Variants in ASS1 observed in about 807,000 individuals in gnomAD.
ASS1 encodes the protein argininosuccinate synthase.
A neutral mutation model predicts 60.5 loss-of-function variants in ASS1; 58 were observed. That is an observed-to-expected ratio of 0.96 (90% CI 0.78 to 1.19). The LOEUF (loss-of-function observed/expected upper bound fraction) is 1.19. Ranked by LOEUF, ASS1 falls within the 50% of genes most tolerant of loss-of-function variation. The pLI, the probability that ASS1 is intolerant of heterozygous loss-of-function variation, is 0.00. For missense variants in ASS1, 454 were observed against 547.3 expected (o/e 0.83, Z 1.70); for synonymous variants, 200 against 206.9 (o/e 0.97, Z 0.29).
intron 3 of ASS1, among the ~76,000 whole-genome samples, chr9:130,455,129 C>T (rs1311389493): frequency 7.3e-6 from 1 of 137,208 alleles, no homozygotes; most frequent in African/African-American, 3.6e-5. Flanking sequence ...TCCATTTATT[C>T]ATCCATCATC....
At chr9:130,484,799 G>GCACACACACACACA (rs3030699) in intron 11 of ASS1, among the ~76,000 whole-genome samples, 2 of 146,704 alleles carry the variant, frequency 1.4e-5, no homozygotes, top group African/African-American at 5.0e-5. Flanking sequence ...AGCTTTAAAC[G>GCACACACACACACA]CACACACACA....
chr9:130,493,794 T>C (rs1846514319), intron 12 of ASS1, among the ~76,000 whole-genome samples: 1 of 152,128 alleles, frequency 6.6e-6, no homozygotes. Flanking sequence ...CCAGCCTCCA[T>C]CAGCAGAGGC....
intron 11 of ASS1, among the ~76,000 whole-genome samples, chr9:130,484,403 C>G (rs536410207): frequency 6.6e-6 from 1 of 152,044 alleles, no homozygotes; most frequent in Non-Finnish European, 1.5e-5. Flanking sequence ...CACTCTCCCC[C>G]CAGCCACCCC....
Position 130,488,991 on chromosome 9 carries a change from C to T in ASS1, c.839-342C>T, listed in dbSNP as rs1415983403. On this transcript the variant is annotated intron_variant, in intron 11 of 14. Coordinates refer to ENST00000352480, the MANE Select transcript of ASS1 (RefSeq NM_054012.4). This position sits in a 1 kb window ranked among gnomAD's most constrained non-coding sequence, Gnocchi z 5.2. Reference sequence around the variant, plus strand: ...TTGGGGCTCTGGGCTCTACCGTAGTCGCTTTAATTACAGGCTTTCAACCTC... The same window carrying T: ...TTGGGGCTCTGGGCTCTACCGTAGTTGCTTTAATTACAGGCTTTCAACCTC... Among the ~76,000 whole-genome samples, 7 of 152,260 alleles carry T rather than the reference C, an allele frequency of 4.6e-5. No individual in the cohort carries two copies. The South Asian group carries it at 6.2e-4, about 14-fold the overall frequency.
Position 130,501,163 on chromosome 9 carries a change from C to A in ASS1, c.*142C>A. ...GGGCTGCCAGGCCCCAGCTTTGTTC[C>A]CTGGTCCCCCTGAAGCCTGCAAACG... On this transcript the variant is annotated 3_prime_UTR_variant, in exon 15 of 15. Coordinates refer to ENST00000352480, the MANE Select transcript of ASS1 (RefSeq NM_054012.4). 1.1e-6 allele frequency: 1 copy of A among 901,966 alleles called. No homozygotes were observed. The highest frequency in any genetic ancestry group is 1.8e-6 in the Non-Finnish European group (1 of 561,062). 55.9% of individuals were successfully genotyped at this position (901,966 alleles called of 1,614,324 possible).
intron 1 of ASS1, among the ~76,000 whole-genome samples, chr9:130,448,640 T>C (rs958068436): frequency 2.6e-5 from 4 of 152,148 alleles, no homozygotes; most frequent in African/African-American, 7.2e-5. Context: ...CTTGGCTCAC[T>C]GCAACCTTTA....
Position 130,470,738 on chromosome 9 carries a change from G to A in ASS1, c.496-96G>A. 8.1e-7 allele frequency: 1 copy of A among 1,233,958 alleles called. No homozygotes were observed. The highest frequency in any genetic ancestry group is 1.7e-5 in the Admixed American group (1 of 59,542). 76.4% of individuals were successfully genotyped at this position (1,233,958 alleles called of 1,614,324 possible). A position where few individuals can be genotyped will look rare whatever the true frequency, so the allele number is the denominator to read the frequency against. On this transcript the variant is annotated intron_variant, in intron 6 of 14. Transcript: ENST00000352480. The surrounding 1 kb of genome is among the most constrained non-coding windows in gnomAD (Gnocchi z 4.3). Reference sequence around the variant, plus strand: ...CAGGGTCTTGTCTGAATGGGGGCCAGAGTTTGGGGCTCTCTGAAAAAGCAG... The same window carrying A: ...CAGGGTCTTGTCTGAATGGGGGCCAAAGTTTGGGGCTCTCTGAAAAAGCAG...
At chr9:130,483,276 A>T (rs1846213761) in intron 11 of ASS1, among the ~76,000 whole-genome samples, 1 of 148,858 alleles carries the variant, frequency 6.7e-6, no homozygotes. Context: ...CTCGGTGTAC[A>T]AGGGGAACAT....
At chr9:130,458,809 C>G (rs952030252) in intron 4 of ASS1, among the ~76,000 whole-genome samples, 17 of 152,262 alleles carry the variant, frequency 1.1e-4, no homozygotes, top group African/African-American at 2.9e-4. Context: ...CTCACCTCCA[C>G]CTTCTGCTGT....
At chr9:130,467,305 C>T (rs1845766405) in intron 6 of ASS1, among the ~76,000 whole-genome samples, 1 of 152,202 alleles carries the variant, frequency 6.6e-6, no homozygotes, top group Admixed American at 6.5e-5. Flanking sequence ...ATGGCACCAG[C>T]CCTTTTTGAA....
chr9:130,473,903 C>T (rs868097594), intron 8 of ASS1, among the ~76,000 whole-genome samples: 3 of 152,142 alleles, frequency 2.0e-5, no homozygotes, highest in Admixed American at 2.0e-4. Context: ...AAACCATTTG[C>T]GGCATCGATC....
chr9:130,490,779 C>T (rs1346925689), intron 12 of ASS1, among the ~76,000 whole-genome samples: 1 of 152,104 alleles, frequency 6.6e-6, no homozygotes, highest in African/African-American at 2.4e-5. Context: ...GGAGGTTGAG[C>T]CATTTGAGAG....
In ASS1 at chr9:130,476,974, C is replaced by T. The variant is rs1179330591; in HGVS notation, c.688+13C>T. ...GAGTTCAAAAAAGGTATGTGCCCAC[C>T]TGTTGGGACTCGAAGGGGGTTGACT... On this transcript the variant is annotated intron_variant, in intron 9 of 14. Coordinates refer to ENST00000352480, the MANE Select transcript of ASS1 (RefSeq NM_054012.4). The surrounding 1 kb of genome is among the most constrained non-coding windows in gnomAD (Gnocchi z 4.9). The T allele has an allele frequency of 1.2e-5, 19 of 1,610,918 alleles. No individual in the cohort carries two copies. Among genetic ancestry groups the T allele is most frequent in the Middle Eastern group, 1.6e-4 (1 of 6,074 alleles).
At chr9:130,449,290 C>T (rs1261704279) in intron 1 of ASS1, among the ~76,000 whole-genome samples, 4 of 140,152 alleles carry the variant, frequency 2.9e-5, no homozygotes. Context: ...CTGTGGTGAG[C>T]TGAGATTGCA....
In ASS1 at chr9:130,492,157, G is replaced by A. The variant is rs534839590; in HGVS notation, c.970+2693G>A. On this transcript the variant is annotated intron_variant, in intron 12 of 14. Coordinates refer to ENST00000352480, the MANE Select transcript of ASS1 (RefSeq NM_054012.4). ...CGTGAAATAACTGCGAGCGCCCGGC[G>A]TGGTTTCCCAGTGTGGAGGCGCGGC... Among the ~76,000 whole-genome samples the A allele has an allele frequency of 5.3e-5, 8 of 152,316 alleles. 1 individual carries two copies. Among genetic ancestry groups the A allele is most frequent in the East Asian group, 1.9e-4 (1 of 5,176 alleles).
intron 13 of ASS1, among the ~76,000 whole-genome samples, chr9:130,495,414 C>T (rs1430741105): frequency 6.6e-6 from 1 of 150,878 alleles, no homozygotes; most frequent in Non-Finnish European, 1.5e-5. Context: ...AAGACCTTGT[C>T]TCAAAAAAAT....
chr9:130,454,348 A>C lies in ASS1; in HGVS notation c.149A>C (p.Lys50Thr). ...QKEDFEEARK[K>T]ALKLGAKKVF... ...GAAGACTTCGAGGAAGCCAGGAAGA[A>C]GGCACTGAAGCTTGGGGCCAAAAAG... is the stretch of plus-strand genomic sequence containing the variant. Residue 50 changes from lysine to threonine, a missense_variant, in exon 3 of 15, where the codon AAG becomes ACG. By Grantham distance (78) the Lys-to-Thr change is moderately conservative. Coordinates refer to ENST00000352480, the MANE Select transcript of ASS1 (RefSeq NM_054012.4). 6.2e-7 allele frequency: 1 copy of C among 1,613,710 alleles called. No homozygotes were observed. Among genetic ancestry groups the C allele is most frequent in the Non-Finnish European group, 8.5e-7 (1 of 1,179,870 alleles).
chr9:130,470,995 C>A lies in ASS1; in HGVS notation c.566+91C>A. 2 of 1,411,368 alleles carry A rather than the reference C, an allele frequency of 1.4e-6. No homozygotes were observed. The highest frequency in any genetic ancestry group is 2.0e-6 in the Non-Finnish European group (2 of 998,472). The allele number at this position is 1,411,368 out of a possible 1,614,324, so 87.4% of individuals were successfully genotyped here. Reference sequence around the variant, plus strand: ...CCCCAGGACGTCCTGGTGACCCCCACACCAGTGGTCCCTGCCCTCGGGGAG... The same window carrying A: ...CCCCAGGACGTCCTGGTGACCCCCAAACCAGTGGTCCCTGCCCTCGGGGAG... On this transcript the variant is annotated intron_variant, in intron 7 of 14. Coordinates refer to ENST00000352480, the MANE Select transcript of ASS1 (RefSeq NM_054012.4). The surrounding 1 kb of genome is among the most constrained non-coding windows in gnomAD (Gnocchi z 4.3).
In ASS1 at chr9:130,477,005, G is replaced by C; in HGVS notation, c.688+44G>C. ...GGACTCGAAGGGGGTTGACTTTTGG[G>C]GCCCTGGCTCCTTTCCCCTCCCTGC... On this transcript the variant is annotated intron_variant, in intron 9 of 14. Coordinates refer to ENST00000352480, the MANE Select transcript of ASS1 (RefSeq NM_054012.4). The surrounding 1 kb of genome is among the most constrained non-coding windows in gnomAD (Gnocchi z 4.2). The C allele has an allele frequency of 6.3e-7, 1 of 1,577,236 alleles. No homozygotes were observed. The highest frequency in any genetic ancestry group is 1.1e-5 in the South Asian group (1 of 90,242).
Sources: allele counts gnomAD v4.1 joint callset (sites outside exome capture counted in the v4.1 genomes callset), GRCh38; gene constraint gnomAD v4.1.1; non-coding constraint Gnocchi (gnomAD v3.1); transcripts MANE v1.5; gene names NCBI Gene and HGNC (gene_info 2026-07-23, HGNC 2026-07-21).